The following PIK3C2G variants were observed in gnomAD, a reference collection of about 807,000 sequenced individuals.
PIK3C2G encodes phosphatidylinositol 3-kinase C2 domain-containing subunit gamma.
Under a neutral mutation model 181.1 loss-of-function variants are expected in PIK3C2G, and 168 were observed. The observed-to-expected ratio is 0.93, with a 90% CI of 0.82 to 1.05. The LOEUF is 1.05. Among genes scored for constraint, PIK3C2G ranks in the 50% least tolerant of loss-of-function variants. The probability of loss-of-function intolerance (pLI) is 0.00; values close to 1 mark genes in which losing one functional copy is unlikely to be tolerated. For synonymous variants in PIK3C2G, 573 were observed against 592.2 expected (o/e 0.97, Z 0.47); for missense variants, 1,869 against 1,732.8 (o/e 1.08, Z -1.40).
intron 29 of PIK3C2G, among the ~76,000 whole-genome samples, chr12:18,588,852 C>T (rs1461371112): frequency 6.6e-6 from 1 of 152,044 alleles, no homozygotes; most frequent in Admixed American, 6.6e-5. Context: ...TAAATGCCCT[C>T]AATGGCAGGT....
intron 25 of PIK3C2G, among the ~76,000 whole-genome samples, chr12:18,545,969 GAAC>G (rs1944400960): frequency 6.6e-6 from 1 of 151,710 alleles, no homozygotes; most frequent in Non-Finnish European, 1.5e-5. Flanking sequence ...AGAGGTTAAG[GAAC>G]TTTCTCAAAA....
At chr12:18,440,839 G>C (rs1311995861) in intron 18 of PIK3C2G, among the ~76,000 whole-genome samples, 2 of 152,108 alleles carry the variant, frequency 1.3e-5, no homozygotes, top group Admixed American at 1.3e-4. Context: ...ATATTATCAA[G>C]AGATCAGTTT....
chr12:18,286,443 T>C (rs928872798), intron 2 of PIK3C2G, among the ~76,000 whole-genome samples: 4 of 152,078 alleles, frequency 2.6e-5, no homozygotes, highest in African/African-American at 9.6e-5. Flanking sequence ...TTGATATGTG[T>C]GATAGCAGAA....
At chr12:18,716,518 G>C in the PIK3C2G span, among the ~76,000 whole-genome samples, 1 of 152,112 alleles carries the variant, frequency 6.6e-6, no homozygotes. Context: ...ATTTAACTTT[G>C]AGCCTTTTTG....
chr12:18,537,527 A>G (rs969937760), intron 24 of PIK3C2G, among the ~76,000 whole-genome samples: 1 of 151,930 alleles, frequency 6.6e-6, no homozygotes, highest in Non-Finnish European at 1.5e-5. Context: ...TTGTTTTCTT[A>G]TTTTTCCATC....
the PIK3C2G span, chr12:18,696,259 C>T: frequency 3.3e-6 from 5 of 1,518,480 alleles, no homozygotes; most frequent in South Asian, 3.4e-5. Context: ...GAAAAATAAA[C>T]TCATGGACTG....
At chr12:18,701,317 GAA>G in the PIK3C2G span, among the ~76,000 whole-genome samples, 1 of 152,022 alleles carries the variant, frequency 6.6e-6, no homozygotes, top group Non-Finnish European at 1.5e-5. Flanking sequence ...GCTAACATAA[GAA>G]AAGAGGCAAT....
chr12:18,712,287 C>T, the PIK3C2G span, among the ~76,000 whole-genome samples: 1 of 152,110 alleles, frequency 6.6e-6, no homozygotes, highest in Admixed American at 6.6e-5. Flanking sequence ...TTGCAAAAAC[C>T]TGCTCAATTT....
chr12:18,431,405 A>G (rs1392828945), intron 18 of PIK3C2G, among the ~76,000 whole-genome samples: 1 of 152,146 alleles, frequency 6.6e-6, no homozygotes, highest in Non-Finnish European at 1.5e-5. Flanking sequence ...AGAGAGAGGG[A>G]ACTCAACAAA....
chr12:18,695,675 G>A, the PIK3C2G span, among the ~76,000 whole-genome samples: 5,325 of 152,116 alleles, frequency 0.035, 128 homozygotes, highest in East Asian at 0.082. Context: ...TGATGGGTTA[G>A]TGCAGTGCTG....
At chr12:18,338,030 A>G (rs186315454) in intron 8 of PIK3C2G, among the ~76,000 whole-genome samples, 1 of 152,126 alleles carries the variant, frequency 6.6e-6, no homozygotes, top group East Asian at 1.9e-4. Flanking sequence ...CTTTTTCTTC[A>G]TAGTGTTTTG....
At chr12:18,559,618 CA>C (rs34249142) in intron 26 of PIK3C2G, among the ~76,000 whole-genome samples, 6 of 145,704 alleles carry the variant, frequency 4.1e-5, no homozygotes, top group African/African-American at 1.0e-4. Context: ...GGCTTTCTTC[CA>C]AAAAAAAAGG....
chr12:18,502,095 A>C (rs188985244), intron 22 of PIK3C2G, among the ~76,000 whole-genome samples: 374 of 152,334 alleles, frequency 2.5e-3, no homozygotes, highest in Admixed American at 7.3e-3. Flanking sequence ...TTAGGAGAGA[A>C]GGGAGAAGTG....
At chr12:18,354,106 G>A (rs1239770634) in intron 11 of PIK3C2G, among the ~76,000 whole-genome samples, 1 of 152,194 alleles carries the variant, frequency 6.6e-6, no homozygotes, top group Non-Finnish European at 1.5e-5. Context: ...GTTAGTCAGG[G>A]TTTGCTTTCA....
At chr12:18,723,219 C>A in the PIK3C2G span, 3 of 1,147,508 alleles carry the variant, frequency 2.6e-6, no homozygotes, top group Non-Finnish European at 3.7e-6. Context: ...AACCACAATT[C>A]ATAAAAATAC....
intron 5 of PIK3C2G, among the ~76,000 whole-genome samples, chr12:18,300,889 T>A (rs574371681): frequency 4.7e-4 from 72 of 152,262 alleles, no homozygotes; most frequent in African/African-American, 1.6e-3. Flanking sequence ...TCTGGTTTAG[T>A]GGTGATGAAT....
At chr12:18,428,251 T>A (rs567133093) in intron 18 of PIK3C2G, among the ~76,000 whole-genome samples, 1 of 151,414 alleles carries the variant, frequency 6.6e-6, no homozygotes, top group Non-Finnish European at 1.5e-5. Flanking sequence ...ATGTTTGTGT[T>A]AAAACTTTAA....
chr12:18,641,851 G>A (rs758946430), intron 32 of PIK3C2G, among the ~76,000 whole-genome samples: 2 of 145,442 alleles, frequency 1.4e-5, no homozygotes, highest in African/African-American at 2.5e-5. Context: ...CCAGATTCAA[G>A]CAATTCTCCT....
chr12:18,405,010 G>C (rs186862308), intron 16 of PIK3C2G, among the ~76,000 whole-genome samples: 1 of 152,200 alleles, frequency 6.6e-6, no homozygotes, highest in East Asian at 1.9e-4. Flanking sequence ...AAGTTTCAGA[G>C]GAAAGTAAAA....
Sources: gnomAD v4.1 joint callset for allele counts (sites outside exome capture counted in the v4.1 genomes callset) on GRCh38, gnomAD v4.1.1 for gene constraint, MANE v1.5 for transcripts, NCBI Gene and HGNC (gene_info 2026-07-23, HGNC 2026-07-21) for gene names.